NCAN: variants seen among roughly 807,000 people sequenced by gnomAD.
The protein encoded by NCAN is neurocan core protein.
In NCAN, 47 loss-of-function variants were observed where a neutral mutation model predicts 121.8. The observed-to-expected ratio is 0.39, with a 90% CI of 0.31 to 0.49. The LOEUF (loss-of-function observed/expected upper bound fraction) is 0.49. NCAN is among the 20% of genes least tolerant of loss of function. The probability of loss-of-function intolerance (pLI) is 0.92; values close to 1 mark genes in which losing one functional copy is unlikely to be tolerated. For missense variants in NCAN, 1,517 were observed against 1,773.4 expected, an observed-to-expected ratio of 0.86 and a Z score of 2.60; for synonymous variants, 633 against 702.0, an observed-to-expected ratio of 0.90 and a Z score of 1.55.
chr19:19,212,276 G>T lies in NCAN; in HGVS notation c.-8+212G>T, dbSNP rs1339994303. 6.6e-6 allele frequency among the ~76,000 whole-genome samples: 1 copy of T among 151,474 alleles called. No individual in the cohort carries two copies. Among genetic ancestry groups the T allele is most frequent in the Non-Finnish European group, 1.5e-5 (1 of 67,806 alleles). ...GAACAGACATTTGGGGAGGAAGGTT[G>T]TCCGCGGAATCCGGAGACTACCCCC... On this transcript the variant is annotated intron_variant, in intron 1 of 14. Coordinates refer to ENST00000252575, the MANE Select transcript of NCAN (RefSeq NM_004386.3). The surrounding 1 kb of genome is among the most constrained non-coding windows in gnomAD (Gnocchi z 4.5).
chr19:19,244,954 C>T (rs887186023), intron 12 of NCAN, among the ~76,000 whole-genome samples: 3 of 150,428 alleles, frequency 2.0e-5, no homozygotes, highest in Non-Finnish European at 1.5e-5. Context: ...TCAGGTGATC[C>T]GCCCACCTCG....
intron 13 of NCAN, among the ~76,000 whole-genome samples, chr19:19,247,355 G>A (rs1403255310): frequency 2.0e-5 from 3 of 152,098 alleles, no homozygotes; most frequent in African/African-American, 7.2e-5. Context: ...CCGGGTTCAC[G>A]CCATTCTCCT....
intron 3 of NCAN, among the ~76,000 whole-genome samples, chr19:19,222,614 C>T (rs2060820913): frequency 6.6e-6 from 1 of 152,186 alleles, no homozygotes; most frequent in Non-Finnish European, 1.5e-5. Context: ...CTACACTGTA[C>T]TGGTCCAATG....
Position 19,226,571 on chromosome 19 carries a change from A to AGTT in NCAN, c.1159_1161dup (p.Val387dup). On this transcript the variant is annotated inframe_insertion, in exon 7 of 15. Coordinates refer to ENST00000252575, the MANE Select transcript of NCAN (RefSeq NM_004386.3). The stretch of plus-strand genomic sequence containing the variant: ...AGATTCTGTCAGCAGAGGGGCCCCC[A>AGTT]GTTAGAGAACTGGAGCCCACCCTGG... The AGTT allele has an allele frequency of 6.2e-7, 1 of 1,613,716 alleles. No homozygotes were observed. Among genetic ancestry groups the AGTT allele is most frequent in the South Asian group, 1.1e-5 (1 of 91,086 alleles).
chr19:19,241,066 G>A (rs2060901702), intron 12 of NCAN, among the ~76,000 whole-genome samples: 1 of 152,028 alleles, frequency 6.6e-6, no homozygotes. Flanking sequence ...GACTAGCCTG[G>A]CCAACATGGT....
chr19:19,238,518 T>A (rs1286595127), intron 11 of NCAN, 107 bp downstream of exon 11: 1 of 1,375,766 alleles, frequency 7.3e-7, no homozygotes. Flanking sequence ...CAAGACGTCA[T>A]CTTTCCAAAG....
At chr19:19,237,217 C>A (rs779263817) in intron 10 of NCAN, among the ~76,000 whole-genome samples, 7 of 152,112 alleles carry the variant, frequency 4.6e-5, no homozygotes, top group South Asian at 2.1e-4. Context: ...CCTACTTTTC[C>A]TTTTAAAAAA....
At position 19,224,973 on chromosome 19, in the gene NCAN, G is replaced by T; in HGVS notation, c.779-4G>T. The T allele has an allele frequency of 3.5e-6, 5 of 1,425,824 alleles. No homozygotes were observed. The South Asian group carries it at 7.3e-5, about 21-fold the overall frequency. The allele number at this position is 1,425,824 out of a possible 1,614,324, so 88.3% of individuals were successfully genotyped here. On this transcript the variant is annotated splice_polypyrimidine_tract_variant and splice_region_variant and intron_variant, in intron 5 of 14. Transcript: ENST00000252575. ...CCCCTGACCTCCACCCGCCCCTCCCGCAGGCGAGGTCTTCTACGTGGGCCC... is the reference window on the plus strand; with the variant it reads ...CCCCTGACCTCCACCCGCCCCTCCCTCAGGCGAGGTCTTCTACGTGGGCCC...
chr19:19,249,074 T>A (rs1186707677), intron 14 of NCAN, 192 bp downstream of exon 14: 5 of 607,062 alleles, frequency 8.2e-6, no homozygotes, highest in Non-Finnish European at 1.4e-5. Context: ...TGTGTGTGTG[T>A]GTGTGTATGT....
At chr19:19,240,542 T>C in intron 11 of NCAN, 61 bp from the exon 12 acceptor site, 1 of 1,550,690 alleles carries the variant, frequency 6.4e-7, no homozygotes, top group Non-Finnish European at 8.9e-7. Flanking sequence ...ACCTGCAGCC[T>C]GTGCCCTGGG....
At chr19:19,221,684 A>C (rs1421669542) in intron 3 of NCAN, among the ~76,000 whole-genome samples, 1 of 152,102 alleles carries the variant, frequency 6.6e-6, no homozygotes, top group Non-Finnish European at 1.5e-5. Context: ...CCAGGAGTTC[A>C]AGACCAGTCT....
chr19:19,214,727 G>GTGTGTGT (rs2060789796), intron 1 of NCAN, among the ~76,000 whole-genome samples: 2 of 141,150 alleles, frequency 1.4e-5, no homozygotes, highest in Non-Finnish European at 3.1e-5. Flanking sequence ...CTGTTAACGG[G>GTGTGTGT]GTGTGTGTGT....
intron 8 of NCAN, among the ~76,000 whole-genome samples, chr19:19,229,615 A>G (rs2060850993): frequency 6.6e-6 from 1 of 152,202 alleles, no homozygotes; most frequent in Non-Finnish European, 1.5e-5. Context: ...ACTGGAGCCC[A>G]AGTCAGCCTG....
At position 19,249,898 on chromosome 19, in the gene NCAN, G is replaced by A. The variant is rs2060940526; in HGVS notation, c.3953G>A (p.Gly1318Glu). 2 of 1,613,678 alleles carry A rather than the reference G, an allele frequency of 1.2e-6. No homozygotes were observed. Among genetic ancestry groups the A allele is most frequent in the African/African-American group, 2.7e-5 (2 of 74,990 alleles). Residue 1318 changes from glycine (G) to glutamate (E), a missense_variant, in exon 15 of 15, where the codon GGG becomes GAG. Coordinates refer to ENST00000252575, the MANE Select transcript of NCAN (RefSeq NM_004386.3). ...ACGGAGGACTGGGAGAAGGACGAAG[G>A]GAATTTCTGCTGAAGAACCAGAAAA... is the stretch of plus-strand genomic sequence containing the variant. ...HPTEDWEKDE[G>E]NFC
At position 19,250,819 on chromosome 19, in the gene NCAN, T is replaced by A. The variant is rs1348203974; in HGVS notation, c.*908T>A. The stretch of plus-strand genomic sequence containing the variant: ...TACCCAGTCCTTAAGCAGACATTGG[T>A]AGTGCCCCTGCCCTGGGTCCCACTC... On this transcript the variant is annotated 3_prime_UTR_variant, in exon 15 of 15. Transcript: ENST00000252575. 1.3e-5 allele frequency: 2 copies of A among 157,172 alleles called. No individual in the cohort carries two copies. The highest frequency in any genetic ancestry group is 1.7e-4 in the East Asian group (1 of 6,060). 9.7% of individuals were successfully genotyped at this position (157,172 alleles called of 1,614,324 possible). A position where few individuals can be genotyped will look rare whatever the true frequency, so the allele number is the denominator to read the frequency against.
chr19:19,247,293 G>T (rs1037757118), intron 13 of NCAN, among the ~76,000 whole-genome samples: 5 of 151,848 alleles, frequency 3.3e-5, no homozygotes, highest in African/African-American at 1.2e-4. Context: ...TTGCTCTGTC[G>T]CCCAGGCTGG....
At chr19:19,247,225 C>G (rs1051613463) in intron 13 of NCAN, among the ~76,000 whole-genome samples, 1 of 151,804 alleles carries the variant, frequency 6.6e-6, no homozygotes, top group African/African-American at 2.4e-5. Context: ...AGCTGGACTA[C>G]GGGTGCACAC....
chr19:19,250,083 T>G lies in NCAN; in HGVS notation c.*172T>G, dbSNP rs1431143769. 3.8e-6 allele frequency: 3 copies of G among 786,026 alleles called. No individual in the cohort carries two copies. The highest frequency in any genetic ancestry group is 6.5e-6 in the Non-Finnish European group (3 of 460,736). The allele number at this position is 786,026 out of a possible 1,614,324, so 48.7% of individuals were successfully genotyped here. ...AGCTCCTCTTTTCCCTTTTTTTACA[T>G]ACACAAGATCCTCTTGGCAGGTGGA... On this transcript the variant is annotated 3_prime_UTR_variant, in exon 15 of 15. Transcript: ENST00000252575.
At position 19,240,663 on chromosome 19, in the gene NCAN, A is replaced by G. The variant is rs2060900017; in HGVS notation, c.3470A>G (p.Gln1157Arg). Residue 1157 changes from glutamine (Q) to arginine (R), a missense_variant, in exon 12 of 15, where the codon CAG (glutamine) becomes CGG (arginine). Gln to Arg is a conservative substitution (Grantham distance 43). Transcript: ENST00000252575. ...LNDRIVERDF[Q>R]WTDNTGLQFE... The stretch of plus-strand genomic sequence containing the variant: ...GACAGGATCGTGGAGAGAGATTTCC[A>G]GTGGACGGACAACACCGGGCTGGTG... The G allele has an allele frequency of 8.1e-6, 13 of 1,614,090 alleles. No homozygotes were observed. Among genetic ancestry groups the G allele is most frequent in the Non-Finnish European group, 1.1e-5 (13 of 1,180,032 alleles).
Sources: gnomAD v4.1 joint callset for allele counts (sites outside exome capture counted in the v4.1 genomes callset) on GRCh38, gnomAD v4.1.1 for gene constraint, Gnocchi (gnomAD v3.1) non-coding constraint, MANE v1.5 for transcripts, NCBI Gene and HGNC (gene_info 2026-07-23, HGNC 2026-07-21) for gene names.